Variants in ITGA11 observed in about 807,000 individuals in gnomAD.
ITGA11 encodes integrin subunit alpha 11.
A neutral mutation model predicts 141.9 loss-of-function variants in ITGA11; 97 were observed. The ratio of observed to expected loss-of-function variants is 0.68; its 90% CI spans 0.58 to 0.81. The LOEUF is 0.81. Ranked by LOEUF, ITGA11 falls within the 30% of genes least tolerant of loss-of-function variation. The pLI is 0.00. For synonymous variants in ITGA11, 658 were observed against 624.6 expected (o/e 1.05, Z -0.80); for missense variants, 1,387 against 1,559.2 (o/e 0.89, Z 1.86).
At chr15:68,306,248 T>G (rs1595848297) in intron 28 of ITGA11, among the ~76,000 whole-genome samples, 2 of 137,938 alleles carry the variant, frequency 1.4e-5, no homozygotes, top group Non-Finnish European at 3.1e-5. Flanking sequence ...TTTGGGGGGT[T>G]GAGTGGGGGT....
intron 1 of ITGA11, among the ~76,000 whole-genome samples, chr15:68,421,425 G>A (rs1430521501): frequency 2.6e-5 from 4 of 152,170 alleles, no homozygotes; most frequent in East Asian, 1.9e-4. Flanking sequence ...CAGAGTAAGC[G>A]GGGAGCCCTG....
At position 68,313,764 on chromosome 15, in the gene ITGA11, C is replaced by T. The variant is rs779383871; in HGVS notation, c.2882+15G>A. The T allele has an allele frequency of 2.5e-5, 40 of 1,610,526 alleles. No homozygotes were observed. The Middle Eastern group carries it at 8.2e-4, about 33-fold the overall frequency. ...CATGCCTTCCCTCTCCTGGGGCCCCCGGAGCCCGGCCCACCTGGTGAAGAG... is the reference window on the plus strand; with the variant it reads ...CATGCCTTCCCTCTCCTGGGGCCCCTGGAGCCCGGCCCACCTGGTGAAGAG... On this transcript the variant is annotated intron_variant, in intron 23 of 29. Coordinates refer to ENST00000315757, the MANE Select transcript of ITGA11 (RefSeq NM_001004439.2).
At position 68,303,247 on chromosome 15, in the gene ITGA11, C is replaced by A; in HGVS notation, c.3496-117G>T. On this transcript the variant is annotated intron_variant, in intron 29 of 29. Transcript: ENST00000315757. This position sits in a 1 kb window ranked among gnomAD's most constrained non-coding sequence, Gnocchi z 5.3. ...TCCCTCAGGGCTTCCTTGAGTACCC[C>A]CAGCTCATTCTGAGCACCCCCTCCT... The A allele has an allele frequency of 1.2e-6, 1 of 834,514 alleles. No individual in the cohort carries two copies. Among genetic ancestry groups the A allele is most frequent in the Non-Finnish European group, 1.9e-6 (1 of 520,948 alleles). The allele number at this position is 834,514 out of a possible 1,614,324, so 51.7% of individuals were successfully genotyped here. A position where few individuals can be genotyped will look rare whatever the true frequency, so the allele number is the denominator to read the frequency against.
At chr15:68,360,476 C>T (rs1469742159) in intron 5 of ITGA11, among the ~76,000 whole-genome samples, 1 of 152,146 alleles carries the variant, frequency 6.6e-6, no homozygotes, top group Non-Finnish European at 1.5e-5. Context: ...TAAAAACACA[C>T]ACACTCACAC....
intron 21 of ITGA11, 122 bp from the exon 22 acceptor site, chr15:68,315,849 T>A (rs34136572): frequency 0.18 from 129,454 of 736,818 alleles, 12,242 homozygotes; most frequent in South Asian, 0.24. Context: ...GTTGGGGAGC[T>A]GCTGGCTGGG....
chr15:68,409,212 C>T (rs113826773), intron 1 of ITGA11, among the ~76,000 whole-genome samples: 2 of 152,278 alleles, frequency 1.3e-5, no homozygotes, highest in African/African-American at 2.4e-5. Context: ...GTGGTCCTTC[C>T]TCTGGGGCCT....
chr15:68,387,122 GA>G (rs1415469145), intron 2 of ITGA11, among the ~76,000 whole-genome samples: 1 of 152,122 alleles, frequency 6.6e-6, no homozygotes, highest in Non-Finnish European at 1.5e-5. Context: ...AACAGGGATG[GA>G]AAAGTAGAAG....
At chr15:68,376,262 T>G (rs1358588666) in intron 2 of ITGA11, among the ~76,000 whole-genome samples, 1 of 151,714 alleles carries the variant, frequency 6.6e-6, no homozygotes, top group Non-Finnish European at 1.5e-5. Context: ...ATAAACTGTG[T>G]GCACAGCCGG....
At chr15:68,395,528 G>A (rs901940574) in intron 2 of ITGA11, among the ~76,000 whole-genome samples, 1 of 150,614 alleles carries the variant, frequency 6.6e-6, no homozygotes, top group Non-Finnish European at 1.5e-5. Context: ...ACTTAGTGAT[G>A]CATGTGCAGC....
chr15:68,413,357 A>G (rs1204031566), intron 1 of ITGA11, among the ~76,000 whole-genome samples: 3 of 152,122 alleles, frequency 2.0e-5, no homozygotes, highest in Non-Finnish European at 2.9e-5. Context: ...AGTCCCCTCT[A>G]TGGCCCTTCA....
chr15:68,357,944 G>A lies in ITGA11; in HGVS notation c.600+514C>T, dbSNP rs146828777. 1.7e-3 allele frequency among the ~76,000 whole-genome samples: 253 copies of A among 152,178 alleles called. 1 individual carries two copies. Among genetic ancestry groups the A allele is most frequent in the African/African-American group, 5.6e-3 (231 of 41,500 alleles). The stretch of plus-strand genomic sequence containing the variant: ...CACTCCCTTTTTAACAGCCCTAATC[G>A]TTACAAATAATTTCTTAGATTGACT... On this transcript the variant is annotated intron_variant, in intron 6 of 29. Coordinates refer to ENST00000315757, the MANE Select transcript of ITGA11 (RefSeq NM_001004439.2).
At chr15:68,417,772 T>C (rs571296927) in intron 1 of ITGA11, among the ~76,000 whole-genome samples, 1 of 152,376 alleles carries the variant, frequency 6.6e-6, no homozygotes, top group Non-Finnish European at 1.5e-5. Flanking sequence ...TCTGGAACAT[T>C]CTTCCCCAAG....
At chr15:68,354,531 G>A (rs1895011206) in intron 7 of ITGA11, among the ~76,000 whole-genome samples, 1 of 152,130 alleles carries the variant, frequency 6.6e-6, no homozygotes, top group Non-Finnish European at 1.5e-5. Flanking sequence ...CCCTTGCTGT[G>A]GTCAAAAGGA....
intron 8 of ITGA11, 129 bp from the exon 9 acceptor site, chr15:68,350,911 G>T: frequency 7.9e-6 from 7 of 888,144 alleles, no homozygotes; most frequent in Non-Finnish European, 1.2e-5. Context: ...AGAGTTCCTC[G>T]CAATGCCATT....
chr15:68,383,887 G>A (rs547596828), intron 2 of ITGA11, among the ~76,000 whole-genome samples: 1 of 152,306 alleles, frequency 6.6e-6, no homozygotes, highest in East Asian at 1.9e-4. Flanking sequence ...GCTGCTGTAG[G>A]GGGAGGCTGG....
chr15:68,352,190 G>GTTT (rs796359057), intron 7 of ITGA11, among the ~76,000 whole-genome samples: 1 of 138,390 alleles, frequency 7.2e-6, no homozygotes, highest in Non-Finnish European at 1.6e-5. Flanking sequence ...CTGGATATTA[G>GTTT]TTTTTTTTTT....
chr15:68,328,162 A>G lies in ITGA11; in HGVS notation c.2002T>C (p.Cys668Arg). ...DCKRSGRDAT[C>R]LAAFLCFTPI... ...GTGAAGCAGAGGAAGGCGGCCAGGC[A>G]GGTGGCATCCCTGCCACTGCGCTTG... is the stretch of plus-strand genomic sequence containing the variant. The change falls in exon 16 of 30, where the codon TGC becomes CGC. Residue 668 changes from cysteine to arginine, a missense_variant. By Grantham distance (180) the Cys-to-Arg change is radical. Transcript: ENST00000315757. The surrounding 1 kb of genome is among the most constrained non-coding windows in gnomAD (Gnocchi z 4.8). The G allele has an allele frequency of 6.2e-7, 1 of 1,613,858 alleles. No individual in the cohort carries two copies. The highest frequency in any genetic ancestry group is 2.2e-5 in the East Asian group (1 of 44,874).
intron 1 of ITGA11, among the ~76,000 whole-genome samples, chr15:68,421,917 G>T (rs779479705): frequency 6.6e-6 from 1 of 152,168 alleles, no homozygotes; most frequent in East Asian, 1.9e-4. Context: ...CAAGCCTGCT[G>T]GTGCCTTTGC....
At chr15:68,337,750 C>T (rs951557546) in intron 11 of ITGA11, among the ~76,000 whole-genome samples, 6 of 152,108 alleles carry the variant, frequency 3.9e-5, no homozygotes, top group Admixed American at 1.3e-4. Context: ...AAAGCTCAAA[C>T]GTCTTAATCT....
Sources: allele counts gnomAD v4.1 joint callset (sites outside exome capture counted in the v4.1 genomes callset), GRCh38; gene constraint gnomAD v4.1.1; non-coding constraint Gnocchi (gnomAD v3.1); transcripts MANE v1.5; gene names NCBI Gene and HGNC (gene_info 2026-07-23, HGNC 2026-07-21).